Variants in LRRC69 observed in about 807,000 individuals in gnomAD.
The protein encoded by LRRC69 is leucine rich repeat containing 69, also known as leucine-rich repeat-containing protein 69.
In LRRC69, 42 loss-of-function variants were observed where a neutral mutation model predicts 37.8. The observed-to-expected ratio is 1.11, with a 90% CI of 0.87 to 1.44. The LOEUF (loss-of-function observed/expected upper bound fraction) is 1.44. LRRC69 is among the 40% of genes most tolerant of loss of function. The pLI, the probability that LRRC69 is intolerant of heterozygous loss-of-function variation, is 0.00. For missense variants in LRRC69, 357 were observed against 401.9 expected (o/e 0.89, Z 0.96); for synonymous variants, 141 against 143.1 (o/e 0.99, Z 0.11).
At chr8:91,170,401 A>G (rs1586262863) in intron 5 of LRRC69, among the ~76,000 whole-genome samples, 1 of 148,738 alleles carries the variant, frequency 6.7e-6, no homozygotes, top group East Asian at 2.0e-4. Context: ...GGAAAAAACT[A>G]CTTTAAAGTT....
At chr8:91,184,820 A>G (rs997405011) in intron 5 of LRRC69, among the ~76,000 whole-genome samples, 2 of 152,214 alleles carry the variant, frequency 1.3e-5, no homozygotes, top group Admixed American at 6.5e-5. Context: ...AGCCAGTGTT[A>G]CCACAGTGGA....
intron 6 of LRRC69, 54 bp from the exon 7 acceptor site, chr8:91,200,559 T>C (rs142835228): frequency 0.011 from 11,922 of 1,121,076 alleles, 93 homozygotes; most frequent in Non-Finnish European, 0.013. Context: ...ATCAATGTAA[T>C]GTAAAATAGT....
intron 7 of LRRC69, among the ~76,000 whole-genome samples, chr8:91,213,543 A>T (rs1335350463): frequency 2.0e-5 from 3 of 152,190 alleles, no homozygotes; most frequent in Non-Finnish European, 4.4e-5. Context: ...GTACAATGCG[A>T]ATAAGTAGGA....
At chr8:91,173,450 T>C (rs1423880443) in intron 5 of LRRC69, among the ~76,000 whole-genome samples, 3 of 152,232 alleles carry the variant, frequency 2.0e-5, no homozygotes, top group Admixed American at 6.5e-5. Context: ...TTTTAAAAGT[T>C]ATCCTCTTAT....
intron 6 of LRRC69, among the ~76,000 whole-genome samples, chr8:91,190,931 C>T (rs114521802): frequency 0.013 from 1,941 of 151,946 alleles, 49 homozygotes; most frequent in African/African-American, 0.045. Flanking sequence ...CAGTGTGTGC[C>T]TGTGGTCTCA....
intron 7 of LRRC69, among the ~76,000 whole-genome samples, 154 bp downstream of exon 7, chr8:91,200,946 G>A (rs982556992): frequency 4.6e-5 from 7 of 152,016 alleles, no homozygotes; most frequent in East Asian, 1.9e-4. Context: ...GATAAGTGTC[G>A]GTAATAATCA....
chr8:91,150,815 A>G (rs879753108), intron 5 of LRRC69, among the ~76,000 whole-genome samples: 70 of 151,996 alleles, frequency 4.6e-4, no homozygotes, highest in Non-Finnish European at 9.1e-4. Context: ...TAGTCTTGGG[A>G]GAGTGTATGT....
Position 91,148,376 on chromosome 8 carries a change from T to C in LRRC69, c.651+12637T>C, listed in dbSNP as rs529139643. Among the ~76,000 whole-genome samples the C allele has an allele frequency of 1.6e-3, 243 of 151,928 alleles. 1 individual carries two copies. Among genetic ancestry groups the C allele is most frequent in the Middle Eastern group, 3.4e-3 (1 of 294 alleles). ...TGATAGTCTGCTGAGAATGATGGTTTCCAGCTTCATCCATGTCCCTACAAA... is the reference window on the plus strand; with the variant it reads ...TGATAGTCTGCTGAGAATGATGGTTCCCAGCTTCATCCATGTCCCTACAAA... On this transcript the variant is annotated intron_variant, in intron 5 of 7. Coordinates refer to ENST00000448384, the Ensembl canonical transcript of LRRC69.
intron 1 of LRRC69, among the ~76,000 whole-genome samples, chr8:91,105,079 A>G (rs1813286349): frequency 6.6e-6 from 1 of 151,928 alleles, no homozygotes; most frequent in Non-Finnish European, 1.5e-5. Context: ...GCTTACTTTT[A>G]AAGAAGAAAT....
At chr8:91,170,446 C>G (rs1342740460) in intron 5 of LRRC69, among the ~76,000 whole-genome samples, 4 of 138,294 alleles carry the variant, frequency 2.9e-5, no homozygotes, top group Non-Finnish European at 4.7e-5. Flanking sequence ...CATCGCCAAG[C>G]CAATCCTAAG....
At chr8:91,140,087 G>GT (rs1808505782) in intron 5 of LRRC69, among the ~76,000 whole-genome samples, 1 of 125,870 alleles carries the variant, frequency 7.9e-6, no homozygotes, top group Non-Finnish European at 1.5e-5. Context: ...GCGAAACTCC[G>GT]TCTCAAAAAA....
At chr8:91,185,158 C>A (rs1239787694) in intron 5 of LRRC69, among the ~76,000 whole-genome samples, 2 of 152,128 alleles carry the variant, frequency 1.3e-5, no homozygotes, top group African/African-American at 4.8e-5. Flanking sequence ...TGCGGTGACA[C>A]AAATAAGCCC....
chr8:91,164,894 T>C (rs1315191779), intron 5 of LRRC69, among the ~76,000 whole-genome samples: 1 of 151,682 alleles, frequency 6.6e-6, no homozygotes. Flanking sequence ...TCGTTAATAT[T>C]GCATGTTCTT....
intron 7 of LRRC69, 116 bp downstream of exon 7, chr8:91,200,908 TA>T: frequency 1.0e-6 from 1 of 956,932 alleles, no homozygotes; most frequent in Non-Finnish European, 1.4e-6. Context: ...TAGGATAGTA[TA>T]CTGTAAATTT....
At chr8:91,142,670 G>C (rs1340820288) in intron 5 of LRRC69, among the ~76,000 whole-genome samples, 2 of 151,940 alleles carry the variant, frequency 1.3e-5, no homozygotes, top group Non-Finnish European at 2.9e-5. Context: ...ATGTTCTTTG[G>C]TAATGCTGAT....
chr8:91,120,098 G>T (rs73697108), intron 1 of LRRC69, among the ~76,000 whole-genome samples: 3,247 of 152,006 alleles, frequency 0.021, 123 homozygotes, highest in African/African-American at 0.073. Context: ...GTTCTTACAA[G>T]AATTGTCTAT....
intron 5 of LRRC69, among the ~76,000 whole-genome samples, chr8:91,169,584 A>G (rs1430681048): frequency 2.7e-5 from 4 of 150,592 alleles, no homozygotes; most frequent in African/African-American, 7.4e-5. Flanking sequence ...GCTTAGTTAC[A>G]TATGTATACA....
intron 3 of LRRC69, among the ~76,000 whole-genome samples, chr8:91,128,608 T>C (rs534261328): frequency 6.6e-6 from 1 of 152,166 alleles, no homozygotes; most frequent in East Asian, 1.9e-4. Flanking sequence ...AGGATGATGA[T>C]AGTATTTTCA....
At chr8:91,134,892 A>G (rs1233343215) in intron 4 of LRRC69, among the ~76,000 whole-genome samples, 1 of 152,026 alleles carries the variant, frequency 6.6e-6, no homozygotes, top group Non-Finnish European at 1.5e-5. Flanking sequence ...GTCCTTGCCT[A>G]TTTGTGAGTT....
Sources: allele counts gnomAD v4.1 joint callset (sites outside exome capture counted in the v4.1 genomes callset), GRCh38; gene constraint gnomAD v4.1.1; transcripts MANE v1.5; gene names NCBI Gene and HGNC (gene_info 2026-07-23, HGNC 2026-07-21).